The following GRIPAP1 variants were observed in gnomAD, a reference collection of about 807,000 sequenced individuals.
The protein encoded by GRIPAP1 is GRIP1-associated protein 1.
GRIPAP1 carries 14 observed loss-of-function variants against 84.1 expected under a neutral mutation model. The ratio of observed to expected loss-of-function variants is 0.17; its 90% CI spans 0.11 to 0.26. GRIPAP1 has a LOEUF of 0.26. Among genes scored for constraint, GRIPAP1 ranks in the 10% least tolerant of loss-of-function variants. GRIPAP1 has a pLI of 1.00. For missense variants in GRIPAP1, 518 were observed against 674.2 expected, an observed-to-expected ratio of 0.77 and a Z score of 2.57; for synonymous variants, 261 against 256.8, an observed-to-expected ratio of 1.02 and a Z score of -0.15.
intron 11 of GRIPAP1, 47 bp from the exon 12 acceptor site, chrX:48,988,245 G>T: frequency 2.1e-6 from 2 of 935,650 alleles, no homozygotes; most frequent in Non-Finnish European, 3.0e-6. Context: ...CTCTCCTGGG[G>T]TGCATATAAC....
intron 11 of GRIPAP1, among the ~76,000 whole-genome samples, chrX:48,989,376 T>G (rs782639309): frequency 2.6e-3 from 292 of 111,148 alleles, no homozygotes; most frequent in Non-Finnish European, 4.8e-3. Context: ...TACACAAACT[T>G]ATAGCACACA....
In GRIPAP1 at chrX:48,978,386, C is replaced by G. The variant is rs201186615; in HGVS notation, c.1980G>C (p.Gln660His). The change falls in exon 22 of 26, where the codon CAG becomes CAC. Residue 660 changes from glutamine to histidine, a missense_variant. This residue lies in a region of GRIPAP1 where 66 missense variants were observed against 65.2 expected (regional missense o/e 1.01). Transcript: ENST00000376423. The stretch of plus-strand genomic sequence containing the variant: ...AGGAGATGCTACTGCTGTCCCCTGT[C>G]TGGGTCCGGCTTGGTGAGTTCATCT... Reference protein sequence around the residue: ...LSEMNSPSRTQTGDSSSISSF... With the variant: ...LSEMNSPSRTHTGDSSSISSF... 3.1e-5 allele frequency: 37 copies of G among 1,207,147 alleles called. No individual in the cohort carries two copies. In the South Asian group the frequency reaches 3.2e-4, roughly 10 times the overall value.
chrX:48,978,164 G>A (rs2064432802), intron 22 of GRIPAP1, 141 bp downstream of exon 22: 6 of 581,552 alleles, frequency 1.0e-5, no homozygotes. Context: ...CCAAGTTGGT[G>A]GGCTTGGGGA....
Position 48,976,087 on chromosome X carries a change from C to T in GRIPAP1, c.2209G>A (p.Ala737Thr). ...CGGCAGAGGTCCTCTGCCATGGAAG[C>T]ACTGCTCACTTCCAGGTGCTTCACC... is the stretch of plus-strand genomic sequence containing the variant. ...EKVKHLEVSS[A>T]SMAEDLCRKS... Residue 737 changes from alanine (A) to threonine (T), a missense_variant, in exon 24 of 26, where the codon GCT (alanine) becomes ACT (threonine). By Grantham distance (58) the Ala-to-Thr change is moderately conservative. Around this residue, in one of 5 missense-constraint regions of GRIPAP1, gnomAD observed 32 missense variants for 82.4 expected, o/e 0.39. Coordinates refer to ENST00000376423, the MANE Select transcript of GRIPAP1 (RefSeq NM_020137.5). 1 of 1,211,246 alleles carries T rather than the reference C, an allele frequency of 8.3e-7. No individual in the cohort carries two copies. Among genetic ancestry groups the T allele is most frequent in the Non-Finnish European group, 1.1e-6 (1 of 894,933 alleles).
chrX:48,997,167 C>T (rs2064551480), intron 5 of GRIPAP1, 83 bp downstream of exon 5: 3 of 575,934 alleles, frequency 5.2e-6, no homozygotes, highest in Non-Finnish European at 5.7e-6. Flanking sequence ...AGACCCTGTC[C>T]AATCACTCTC....
intron 14 of GRIPAP1, 124 bp downstream of exon 14, chrX:48,985,144 G>A (rs1411195358): frequency 3.9e-6 from 2 of 507,920 alleles, no homozygotes; most frequent in East Asian, 3.6e-5. Flanking sequence ...GTGCTAATAA[G>A]TTAGGGAGCC....
Position 48,990,940 on chromosome X carries a change from G to A in GRIPAP1, c.628C>T (p.Leu210=). 8.6e-7 allele frequency: 1 copy of A among 1,161,029 alleles called. No individual in the cohort carries two copies. Among genetic ancestry groups the A allele is most frequent in the South Asian group, 2.0e-5 (1 of 49,261 alleles). Residue 210 remains leucine, a synonymous_variant, in exon 7 of 26, where the codon CTG becomes TTG. Coordinates refer to ENST00000376423, the MANE Select transcript of GRIPAP1 (RefSeq NM_020137.5). ...KEEKRLLWEQ[L]QGLESSKQAE... is the part of the protein sequence containing the mutation. ...CTCAGATTCACCTCTAAGCCTTGCA[G>A]CTGTTCCCAGAGCAATCTCTTCTCC...
intron 17 of GRIPAP1, 111 bp from the exon 18 acceptor site, chrX:48,981,983 G>A: frequency 5.8e-6 from 3 of 516,532 alleles, no homozygotes; most frequent in South Asian, 2.8e-5. Context: ...TGACCCTCCT[G>A]CAGGGAACCC....
intron 23 of GRIPAP1, 51 bp from the exon 24 acceptor site, chrX:48,976,162 CAT>C: frequency 8.3e-7 from 1 of 1,198,719 alleles, no homozygotes; most frequent in Non-Finnish European, 1.1e-6. Flanking sequence ...CATGTTCACA[CAT>C]GAGGCGGGCC....
At chrX:48,984,818 C>G (rs1268697350) in intron 14 of GRIPAP1, among the ~76,000 whole-genome samples, 6 of 101,906 alleles carry the variant, frequency 5.9e-5, no homozygotes, top group Non-Finnish European at 1.2e-4. Flanking sequence ...GTCAGGAGAT[C>G]GAAACCATCC....
At chrX:48,984,362 C>A (rs374218773) in intron 14 of GRIPAP1, among the ~76,000 whole-genome samples, 2 of 111,128 alleles carry the variant, frequency 1.8e-5, no homozygotes, top group East Asian at 5.6e-4. Context: ...GGAAAGCCAT[C>A]ATTCCATCCC....
chrX:48,982,567 G>C (rs1393316928), intron 17 of GRIPAP1, among the ~76,000 whole-genome samples: 1 of 112,017 alleles, frequency 8.9e-6, no homozygotes. Context: ...GTAGAGACAG[G>C]GTTTCACCAT....
intron 21 of GRIPAP1, among the ~76,000 whole-genome samples, chrX:48,979,529 C>G (rs970895223): frequency 9.6e-6 from 1 of 104,565 alleles, no homozygotes; most frequent in Non-Finnish European, 2.0e-5. Context: ...CTCGTACCCA[C>G]GCACCTAAAT....
At chrX:48,986,106 T>G (rs975217564) in intron 13 of GRIPAP1, among the ~76,000 whole-genome samples, 1 of 108,230 alleles carries the variant, frequency 9.2e-6, no homozygotes. Flanking sequence ...CTGGGCATGG[T>G]GGCACACGGC....
At chrX:48,978,570 G>C (rs2064435914) in intron 21 of GRIPAP1, 135 bp from the exon 22 acceptor site, 3 of 528,691 alleles carry the variant, frequency 5.7e-6, no homozygotes, top group South Asian at 8.1e-5. Flanking sequence ...GGCAGAAGCA[G>C]ACAGGAGGAC....
chrX:48,983,592 T>G (rs1325566060), intron 15 of GRIPAP1, 152 bp from the exon 16 acceptor site: 1 of 540,278 alleles, frequency 1.9e-6, no homozygotes, highest in African/African-American at 2.3e-5. Flanking sequence ...ATAGAACTGG[T>G]CACTTTCTTT....
Position 48,978,380 on chromosome X carries a change from C to G in GRIPAP1, c.1986G>C (p.Gly662=). 8.3e-7 allele frequency: 1 copy of G among 1,208,961 alleles called. No individual in the cohort carries two copies. The highest frequency in any genetic ancestry group is 1.1e-6 in the Non-Finnish European group (1 of 893,668). ...EMNSPSRTQT[G]DSSSISSFSY... is the part of the protein sequence containing the mutation. ...TGAAGGAGGAGATGCTACTGCTGTCCCCTGTCTGGGTCCGGCTTGGTGAGT... is the reference window on the plus strand; with the variant it reads ...TGAAGGAGGAGATGCTACTGCTGTCGCCTGTCTGGGTCCGGCTTGGTGAGT... The change falls in exon 22 of 26, where the codon GGG becomes GGC. Residue 662 remains glycine, a synonymous_variant. Coordinates refer to ENST00000376423, the MANE Select transcript of GRIPAP1 (RefSeq NM_020137.5).
rs781796368 is a variant in GRIPAP1, at chrX:48,980,225, T to TTGTGTGTG, written c.1930+982_1930+989dup. 5.0e-4 allele frequency among the ~76,000 whole-genome samples: 45 copies of TTGTGTGTG among 90,574 alleles called. 1 individual carries two copies. Among genetic ancestry groups the TTGTGTGTG allele is most frequent in the African/African-American group, 1.7e-3 (42 of 24,755 alleles). The allele number at this position is 90,574 out of a possible 115,157, so 78.7% of individuals were successfully genotyped here. On this transcript the variant is annotated intron_variant, in intron 21 of 25. Coordinates refer to ENST00000376423, the MANE Select transcript of GRIPAP1 (RefSeq NM_020137.5). ...TTAAAAAAGGCTGAAGCAACTAAAG[T>TTGTGTGTG]TGTGTGTGTGTGTGTGTGTGTGTGT...
At chrX:48,978,909 A>T (rs58398921) in intron 21 of GRIPAP1, among the ~76,000 whole-genome samples, 1 of 102,486 alleles carries the variant, frequency 9.8e-6, no homozygotes, top group Non-Finnish European at 2.0e-5. Context: ...AAAAAAAAAA[A>T]AAAAAACAGA....
Sources: allele counts gnomAD v4.1 joint callset (sites outside exome capture counted in the v4.1 genomes callset), GRCh38; gene constraint gnomAD v4.1.1; regional missense constraint gnomAD v4.1.1; transcripts MANE v1.5; gene names NCBI Gene and HGNC (gene_info 2026-07-23, HGNC 2026-07-21).